SLC25A13: variants seen among roughly 807,000 people sequenced by gnomAD.
The protein encoded by SLC25A13 is electrogenic aspartate/glutamate antiporter SLC25A13, mitochondrial.
A neutral mutation model predicts 85.5 loss-of-function variants in SLC25A13; 70 were observed. The observed-to-expected ratio is 0.82, with a 90% CI of 0.68 to 1.00. The LOEUF (loss-of-function observed/expected upper bound fraction) is 1.00, where lower values mean the gene tolerates loss of function less well. SLC25A13 is among the 50% of genes least tolerant of loss of function. The pLI, the probability that SLC25A13 is intolerant of heterozygous loss-of-function variation, is 0.00. For synonymous variants in SLC25A13, 259 were observed against 288.7 expected (o/e 0.90, Z 1.04); for missense variants, 765 against 819.8 (o/e 0.93, Z 0.82).
At chr7:96,307,083 C>G (rs1417442578) in intron 1 of SLC25A13, among the ~76,000 whole-genome samples, 1 of 151,852 alleles carries the variant, frequency 6.6e-6, no homozygotes, top group Non-Finnish European at 1.5e-5. Context: ...GGGGTTAGCC[C>G]TTCCCAGTGT....
chr7:96,318,407 T>G (rs1408986731), intron 1 of SLC25A13, among the ~76,000 whole-genome samples: 2 of 152,124 alleles, frequency 1.3e-5, no homozygotes, highest in African/African-American at 2.4e-5. Context: ...TTGGGAAATG[T>G]TTAAAAGAAA....
At chr7:96,262,027 A>C (rs569359585) in intron 3 of SLC25A13, among the ~76,000 whole-genome samples, 2 of 152,300 alleles carry the variant, frequency 1.3e-5, no homozygotes, top group South Asian at 4.1e-4. Flanking sequence ...GTTGCAATAG[A>C]CTAAGTTTCC....
At position 96,189,132 on chromosome 7, in the gene SLC25A13, C is replaced by T. The variant is rs2073976; in HGVS notation, c.933+162G>A. ...ACCTGTTTATCACACCATTTCTAAGCAATTTCTCTTTACAGCCTTTAAAAT... is the reference window on the plus strand; with the variant it reads ...ACCTGTTTATCACACCATTTCTAAGTAATTTCTCTTTACAGCCTTTAAAAT... On this transcript the variant is annotated intron_variant, in intron 9 of 17. Transcript: ENST00000265631. Among the ~76,000 whole-genome samples, 50,523 of 152,212 alleles carry T rather than the reference C, an allele frequency of 0.33. 8,894 individuals are homozygous for T. The highest frequency in any genetic ancestry group is 0.59 in the East Asian group (3,045 of 5,178).
At chr7:96,132,305 A>C (rs1471914091) in intron 14 of SLC25A13, among the ~76,000 whole-genome samples, 1 of 152,158 alleles carries the variant, frequency 6.6e-6, no homozygotes, top group Non-Finnish European at 1.5e-5. Flanking sequence ...CAAATTATAC[A>C]GGTGGGGGGA....
Position 96,121,963 on chromosome 7 carries a change from A to AT in SLC25A13, c.1625dup (p.Asp542GlufsTer26). 2 of 1,614,206 alleles carry AT rather than the reference A, an allele frequency of 1.2e-6. No individual in the cohort carries two copies. Among genetic ancestry groups the AT allele is most frequent in the Non-Finnish European group, 1.7e-6 (2 of 1,180,042 alleles). On this transcript the variant is annotated frameshift_variant, in exon 16 of 18. Transcript: ENST00000265631. LOFTEE classifies it high-confidence loss of function. The stretch of plus-strand genomic sequence containing the variant: ...CCACCTGTAATCTCGTCTTGATAAC[A>AT]TCAGCAGGGGTCACTAAAGATGCTG...
rs1395817424 is a variant in SLC25A13, at chr7:96,194,403, G to C, written c.469-1220C>G. On this transcript the variant is annotated intron_variant, in intron 5 of 17. Coordinates refer to ENST00000265631, the MANE Select transcript of SLC25A13 (RefSeq NM_014251.3). ...GGTTGCAGTGAGCTGAGATCATGCC[G>C]CCACACTCCAGCCTGGGTGACAGAG... Among the ~76,000 whole-genome samples, 3 of 112,174 alleles carry C rather than the reference G, an allele frequency of 2.7e-5. No homozygotes were observed. The Admixed American group carries it at 4.1e-4, about 15-fold the overall frequency. The allele number at this position is 112,174 out of a possible 152,430, so 73.6% of individuals were successfully genotyped here.
At chr7:96,122,573 G>A (rs1006546144) in intron 15 of SLC25A13, among the ~76,000 whole-genome samples, 1 of 152,054 alleles carries the variant, frequency 6.6e-6, no homozygotes, top group Non-Finnish European at 1.5e-5. Context: ...GGGGTGGGAG[G>A]TGGAGGTTTC....
rs1794691459 is a variant in SLC25A13 at position 96,187,712 on chromosome 7, T to C, written c.933+1582A>G. Among the ~76,000 whole-genome samples, 4 of 152,172 alleles carry C rather than the reference T, an allele frequency of 2.6e-5. No individual in the cohort carries two copies. The South Asian group carries it at 8.3e-4, about 32-fold the overall frequency. On this transcript the variant is annotated intron_variant, in intron 9 of 17. Transcript: ENST00000265631. ...TTTAACTTTTCCAAAGCCAGAACTG[T>C]AGCATGTTCTTGAAATGAGACAAAA...
rs1296470515 is a variant in SLC25A13, at chr7:96,170,048, G to T, written c.1308C>A (p.Gly436=). The T allele has an allele frequency of 1.9e-6, 3 of 1,613,948 alleles. No homozygotes were observed. The highest frequency in any genetic ancestry group is 2.5e-6 in the Non-Finnish European group (3 of 1,179,944). The change falls in exon 13 of 18, where the codon GGC becomes GGA. Residue 436 remains glycine (G), a synonymous_variant. Transcript: ENST00000265631. The stretch of plus-strand genomic sequence containing the variant: ...GAGAGCTTCAAAAGGTACTTACGCA[G>T]CCTCCAGCAAGAATTTCTGCTGCAA... ...VPLAAEILAG[G]CAGGSQVIFT...
chr7:96,218,994 A>G (rs1796000738), intron 4 of SLC25A13, among the ~76,000 whole-genome samples: 2 of 152,234 alleles, frequency 1.3e-5, no homozygotes. Context: ...CGTACATTAA[A>G]TAACATAATG....
chr7:96,296,254 T>C (rs1012460695), intron 2 of SLC25A13, among the ~76,000 whole-genome samples: 2 of 152,100 alleles, frequency 1.3e-5, no homozygotes, highest in Non-Finnish European at 2.9e-5. Flanking sequence ...ACTGAGATGT[T>C]TACAATGAGC....
chr7:96,305,380 A>C (rs1470678562), intron 1 of SLC25A13, among the ~76,000 whole-genome samples: 1 of 152,258 alleles, frequency 6.6e-6, no homozygotes, highest in Non-Finnish European at 1.5e-5. Context: ...TATGATTCAT[A>C]AATGCCCATG....
At chr7:96,303,240 A>G (rs1212660610) in intron 1 of SLC25A13, among the ~76,000 whole-genome samples, 2 of 152,138 alleles carry the variant, frequency 1.3e-5, no homozygotes, top group African/African-American at 2.4e-5. Context: ...GAAAGCCAAG[A>G]CAAGCACAGA....
chr7:96,319,986 CTTATT>C (rs1181985547), intron 1 of SLC25A13, among the ~76,000 whole-genome samples: 2 of 152,038 alleles, frequency 1.3e-5, no homozygotes, highest in African/African-American at 4.8e-5. Flanking sequence ...TTCCATATCA[CTTATT>C]TTATGTTTTG....
chr7:96,273,729 A>T (rs1798333413), intron 3 of SLC25A13, among the ~76,000 whole-genome samples: 1 of 152,254 alleles, frequency 6.6e-6, no homozygotes, highest in Non-Finnish European at 1.5e-5. Context: ...CTTTTTTGTG[A>T]CTCAGATTTT....
At chr7:96,256,648 T>C (rs1446098931) in intron 3 of SLC25A13, among the ~76,000 whole-genome samples, 1 of 152,132 alleles carries the variant, frequency 6.6e-6, no homozygotes, top group African/African-American at 2.4e-5. Flanking sequence ...CTGTCCATAT[T>C]AGACAGATCA....
intron 1 of SLC25A13, among the ~76,000 whole-genome samples, chr7:96,318,517 T>C (rs546761033): frequency 1.4e-4 from 22 of 152,310 alleles, no homozygotes; most frequent in Non-Finnish European, 2.8e-4. Context: ...CTTTTTGAGA[T>C]AATCTCAGAA....
intron 11 of SLC25A13, among the ~76,000 whole-genome samples, chr7:96,183,180 G>A (rs1794485756): frequency 6.6e-6 from 1 of 152,190 alleles, no homozygotes; most frequent in South Asian, 2.1e-4. Context: ...AAGATCAAAA[G>A]GCCTTTGATG....
chr7:96,245,679 G>C (rs1428331001), intron 3 of SLC25A13, among the ~76,000 whole-genome samples: 2 of 152,080 alleles, frequency 1.3e-5, no homozygotes, highest in Non-Finnish European at 2.9e-5. Context: ...ATCTACCAAA[G>C]ACTTCTTTTT....
Sources: allele counts gnomAD v4.1 joint callset (sites outside exome capture counted in the v4.1 genomes callset), GRCh38; gene constraint gnomAD v4.1.1; transcripts MANE v1.5; gene names NCBI Gene and HGNC (gene_info 2026-07-23, HGNC 2026-07-21).